Variants in GREB1L observed in about 807,000 individuals in gnomAD.
GREB1L encodes GREB1-like protein.
GREB1L carries 17 observed loss-of-function variants against 200.8 expected under a neutral mutation model. The observed-to-expected ratio is 0.08, with a 90% CI of 0.06 to 0.13. The LOEUF is 0.13. Among genes scored for constraint, GREB1L ranks in the 10% least tolerant of loss-of-function variants. The pLI, the probability that GREB1L is intolerant of heterozygous loss-of-function variation, is 1.00. For missense variants in GREB1L, 1,657 were observed against 2,367.7 expected, an observed-to-expected ratio of 0.70 and a Z score of 6.23; for synonymous variants, 789 against 893.0, an observed-to-expected ratio of 0.88 and a Z score of 2.08.
intron 9 of GREB1L, 42 bp from the exon 10 acceptor site, chr18:21,441,358 A>G (rs1340114081): frequency 1.4e-6 from 2 of 1,481,438 alleles, no homozygotes; most frequent in Admixed American, 2.6e-5. Context: ...TATTTCATTT[A>G]GTTTTCACGC....
At chr18:21,451,768 T>C (rs188604646) in intron 13 of GREB1L, among the ~76,000 whole-genome samples, 85 of 152,178 alleles carry the variant, frequency 5.6e-4, no homozygotes, top group Non-Finnish European at 1.0e-3. Flanking sequence ...AGTGCTGGGA[T>C]TACAGGCATG....
chr18:21,521,470 G>A (rs547657091), intron 32 of GREB1L, among the ~76,000 whole-genome samples: 164 of 152,206 alleles, frequency 1.1e-3, no homozygotes, highest in Non-Finnish European at 1.5e-3. Flanking sequence ...AAGAAAGTGA[G>A]GTTCAGAACG....
intron 1 of GREB1L, among the ~76,000 whole-genome samples, chr18:21,344,357 T>C (rs2039313341): frequency 6.6e-6 from 1 of 152,038 alleles, no homozygotes; most frequent in Non-Finnish European, 1.5e-5. Context: ...GCCGAGATTG[T>C]GTCACTGCAC....
At chr18:21,335,638 C>A (rs1181706250) in intron 1 of GREB1L, among the ~76,000 whole-genome samples, 1 of 151,344 alleles carries the variant, frequency 6.6e-6, no homozygotes, top group Non-Finnish European at 1.5e-5. Flanking sequence ...TTGATTATAG[C>A]TATAATGTGT....
At chr18:21,481,507 G>T (rs2035922500) in intron 17 of GREB1L, among the ~76,000 whole-genome samples, 1 of 143,082 alleles carries the variant, frequency 7.0e-6, no homozygotes, top group Non-Finnish European at 1.5e-5. Flanking sequence ...AGCATTATTA[G>T]AATTTACCTG....
chr18:21,338,330 C>T (rs2039218770), intron 1 of GREB1L, among the ~76,000 whole-genome samples: 1 of 152,212 alleles, frequency 6.6e-6, no homozygotes, highest in South Asian at 2.1e-4. Flanking sequence ...AAACACTGAT[C>T]TAAAATTCTG....
At chr18:21,489,900 C>A in intron 18 of GREB1L, 112 bp from the exon 19 acceptor site, 1 of 742,806 alleles carries the variant, frequency 1.3e-6, no homozygotes, top group Non-Finnish European at 2.2e-6. Context: ...CCCCACCACA[C>A]TGATCAGTAG....
At chr18:21,496,185 G>C (rs2036538220) in intron 20 of GREB1L, among the ~76,000 whole-genome samples, 1 of 152,124 alleles carries the variant, frequency 6.6e-6, no homozygotes, top group Admixed American at 6.5e-5. Flanking sequence ...GTCAGGCAGT[G>C]CCCTAAATGC....
In GREB1L at chr18:21,496,678, G is replaced by T; in HGVS notation, c.3371G>T (p.Ser1124Ile). 1 of 1,551,564 alleles carries T rather than the reference G, an allele frequency of 6.4e-7. No individual in the cohort carries two copies. The highest frequency in any genetic ancestry group is 2.0e-5 in the Admixed American group (1 of 50,998). Residue 1124 changes from serine (S) to isoleucine (I), a missense_variant, in exon 21 of 33, where the codon AGC becomes ATC. Ser to Ile is a moderately radical substitution (Grantham distance 142). Around this residue, in one of 9 missense-constraint regions of GREB1L, gnomAD observed 512 missense variants for 668.3 expected, o/e 0.77. Transcript: ENST00000424526. ...CTGGAGCGGCCCCAGAGCAACAGCA[G>T]CGCTGTCACAGGGACCTCGGGTCAG... ...IDLERPQSNS[S>I]AVTGTSGSIM...
At chr18:21,477,515 G>A (rs1598901277) in intron 17 of GREB1L, among the ~76,000 whole-genome samples, 159 bp downstream of exon 17, 1 of 152,126 alleles carries the variant, frequency 6.6e-6, no homozygotes, top group Non-Finnish European at 1.5e-5. Flanking sequence ...GGCTGGGTGC[G>A]GTGGCTCACA....
intron 17 of GREB1L, among the ~76,000 whole-genome samples, chr18:21,480,419 A>G (rs566082512): frequency 6.6e-6 from 1 of 152,326 alleles, no homozygotes; most frequent in South Asian, 2.1e-4. Flanking sequence ...GATTAAAGAT[A>G]TGATATCAGG....
intron 1 of GREB1L, among the ~76,000 whole-genome samples, chr18:21,323,519 C>A (rs948270596): frequency 6.6e-6 from 1 of 152,158 alleles, no homozygotes; most frequent in African/African-American, 2.4e-5. Context: ...TGCTTAGCCT[C>A]ACTCAAAATA....
intron 7 of GREB1L, among the ~76,000 whole-genome samples, chr18:21,431,705 G>A (rs2033162039): frequency 6.6e-6 from 1 of 151,990 alleles, no homozygotes; most frequent in African/African-American, 2.4e-5. Context: ...ATTATTGAAA[G>A]TGGGGTATTG....
At chr18:21,503,211 T>A (rs908397250) in intron 23 of GREB1L, among the ~76,000 whole-genome samples, 1 of 151,614 alleles carries the variant, frequency 6.6e-6, no homozygotes, top group African/African-American at 2.4e-5. Flanking sequence ...TTATTAATAA[T>A]AAAAAAATAT....
intron 1 of GREB1L, among the ~76,000 whole-genome samples, chr18:21,276,896 C>G (rs1019034745): frequency 8.7e-5 from 13 of 149,576 alleles, no homozygotes; most frequent in Non-Finnish European, 1.5e-4. Context: ...TTGTCCTACA[C>G]AGCTCTCCTT....
chr18:21,378,647 T>C (rs2040176724), intron 2 of GREB1L, among the ~76,000 whole-genome samples: 1 of 152,222 alleles, frequency 6.6e-6, no homozygotes, highest in South Asian at 2.1e-4. Context: ...AGTGCTGGGA[T>C]TACAGGCGTG....
At chr18:21,259,412 G>A (rs565134524) in intron 1 of GREB1L, among the ~76,000 whole-genome samples, 2 of 152,196 alleles carry the variant, frequency 1.3e-5, no homozygotes, top group Admixed American at 6.5e-5. Context: ...TCTTTTTTAA[G>A]CACCTATAAT....
At chr18:21,440,439 A>T in intron 9 of GREB1L, 51 bp downstream of exon 9, 1 of 1,490,668 alleles carries the variant, frequency 6.7e-7, no homozygotes, top group South Asian at 1.2e-5. Context: ...ATTAGCAGAG[A>T]TATCTTCTAC....
At chr18:21,472,716 C>A (rs1001613417) in intron 15 of GREB1L, among the ~76,000 whole-genome samples, 5 of 152,090 alleles carry the variant, frequency 3.3e-5, no homozygotes, top group African/African-American at 1.2e-4. Flanking sequence ...CCATTAGCAG[C>A]AGCATGTTAT....
Sources: allele counts gnomAD v4.1 joint callset (sites outside exome capture counted in the v4.1 genomes callset), GRCh38; gene constraint gnomAD v4.1.1; regional missense constraint gnomAD v4.1.1; transcripts MANE v1.5; gene names NCBI Gene and HGNC (gene_info 2026-07-23, HGNC 2026-07-21).